Variants in GABRG1 observed in about 807,000 individuals in gnomAD.
GABRG1 encodes the protein gamma-aminobutyric acid receptor subunit gamma-1.
GABRG1 carries 49 observed loss-of-function variants against 49.8 expected under a neutral mutation model. The observed-to-expected ratio is 0.98, with a 90% CI of 0.78 to 1.25. GABRG1 has a LOEUF of 1.25. Ranked by LOEUF, GABRG1 falls within the 50% of genes most tolerant of loss-of-function variation. The pLI, the probability that GABRG1 is intolerant of heterozygous loss-of-function variation, is 0.00. For missense variants in GABRG1, 552 were observed against 552.3 expected (o/e 1.00, Z 0.01); for synonymous variants, 232 against 185.1 (o/e 1.25, Z -2.06).
At chr4:46,087,681 A>G (rs969874696) in intron 2 of GABRG1, among the ~76,000 whole-genome samples, 1 of 151,938 alleles carries the variant, frequency 6.6e-6, no homozygotes, top group Non-Finnish European at 1.5e-5. Flanking sequence ...CTCCAGGTCC[A>G]TACCACATAT....
At chr4:46,097,130 A>T in intron 2 of GABRG1, 71 bp downstream of exon 2, 2 of 1,273,964 alleles carry the variant, frequency 1.6e-6, no homozygotes, top group East Asian at 5.2e-5. Context: ...ATAAGAAATA[A>T]TGATTAAAAT....
chr4:46,048,798 T>A (rs1029879995), intron 8 of GABRG1, among the ~76,000 whole-genome samples: 1 of 151,792 alleles, frequency 6.6e-6, no homozygotes, highest in African/African-American at 2.4e-5. Context: ...GCCCATTTCA[T>A]GTGGAGAGTA....
intron 7 of GABRG1, 79 bp from the exon 8 acceptor site, chr4:46,051,717 G>A: frequency 1.2e-6 from 1 of 858,312 alleles, no homozygotes; most frequent in Non-Finnish European, 1.8e-6. Context: ...GCAATATTGT[G>A]AGTGAAATTA....
chr4:46,103,357 T>A (rs943116222), intron 1 of GABRG1, among the ~76,000 whole-genome samples: 4 of 151,506 alleles, frequency 2.6e-5, no homozygotes, highest in Non-Finnish European at 1.5e-5. Flanking sequence ...ACAGAAAAAA[T>A]TCACTGGATA....
intron 3 of GABRG1, among the ~76,000 whole-genome samples, chr4:46,074,132 C>T (rs1213072957): frequency 2.6e-5 from 4 of 152,160 alleles, no homozygotes; most frequent in African/African-American, 9.6e-5. Flanking sequence ...ACATGTGCAA[C>T]ATTTGTTATA....
chr4:46,121,030 C>T (rs1158978304), intron 1 of GABRG1, among the ~76,000 whole-genome samples: 1 of 151,704 alleles, frequency 6.6e-6, no homozygotes, highest in Non-Finnish European at 1.5e-5. Context: ...TACACAGGAA[C>T]CATGACTACA....
intron 5 of GABRG1, among the ~76,000 whole-genome samples, chr4:46,061,027 T>C (rs1347881213): frequency 1.3e-5 from 2 of 152,170 alleles, no homozygotes; most frequent in Non-Finnish European, 2.9e-5. Context: ...GATTATTATA[T>C]GTTAGCTATT....
chr4:46,058,965 A>C (rs1317797632), intron 5 of GABRG1, among the ~76,000 whole-genome samples: 1 of 152,076 alleles, frequency 6.6e-6, no homozygotes, highest in East Asian at 1.9e-4. Context: ...TAGATTTTTC[A>C]TATGCATTTC....
Position 46,052,895 on chromosome 4 carries a change from A to C in GABRG1, c.917-1257T>G, listed in dbSNP as rs901652461. Reference sequence around the variant, plus strand: ...ACATACCCTAAAAATTCTACTCACAAACCTGTCATTTCACTTTTATCATTT... The same window carrying C: ...ACATACCCTAAAAATTCTACTCACACACCTGTCATTTCACTTTTATCATTT... On this transcript the variant is annotated intron_variant, in intron 7 of 8. Transcript: ENST00000295452. 2.0e-5 allele frequency among the ~76,000 whole-genome samples: 3 copies of C among 151,866 alleles called. No individual in the cohort carries two copies. The Admixed American group carries it at 2.0e-4, about 10-fold the overall frequency.
chr4:46,088,859 C>T (rs1046045760), intron 2 of GABRG1, among the ~76,000 whole-genome samples: 7 of 142,826 alleles, frequency 4.9e-5, no homozygotes, highest in Non-Finnish European at 1.5e-5. Context: ...CCAAGAATGT[C>T]TTCTCAGGAA....
chr4:46,107,530 C>T (rs375859874), intron 1 of GABRG1, among the ~76,000 whole-genome samples: 4 of 150,600 alleles, frequency 2.7e-5, no homozygotes, highest in African/African-American at 9.7e-5. Context: ...TTCCTCCCAC[C>T]TCATTTCCCA....
intron 7 of GABRG1, among the ~76,000 whole-genome samples, chr4:46,055,043 C>G (rs992667252): frequency 1.2e-5 from 1 of 84,278 alleles, no homozygotes; most frequent in Non-Finnish European, 2.3e-5. Context: ...TAGGCGTGGG[C>G]AAGGACTTCA....
chr4:46,068,712 G>A (rs1388439938), intron 3 of GABRG1, among the ~76,000 whole-genome samples: 1 of 151,830 alleles, frequency 6.6e-6, no homozygotes, highest in Non-Finnish European at 1.5e-5. Context: ...CATGTTACAC[G>A]TAATAAAAAA....
intron 2 of GABRG1, among the ~76,000 whole-genome samples, chr4:46,091,696 T>C (rs1497577): frequency 6.6e-6 from 1 of 151,682 alleles, no homozygotes; most frequent in Non-Finnish European, 1.5e-5. Context: ...TGAGATGTAA[T>C]GACATAGCAG....
At chr4:46,050,131 C>A (rs541130126) in intron 8 of GABRG1, among the ~76,000 whole-genome samples, 113 of 151,936 alleles carry the variant, frequency 7.4e-4, no homozygotes, top group Non-Finnish European at 8.8e-4. Flanking sequence ...AAAAATGTAA[C>A]AATGGATATT....
At chr4:46,053,403 T>C (rs1362537288) in intron 7 of GABRG1, among the ~76,000 whole-genome samples, 1 of 151,362 alleles carries the variant, frequency 6.6e-6, no homozygotes. Context: ...AACTTTTTCT[T>C]GTAGTTCTAA....
Position 46,123,869 on chromosome 4 carries a change from C to T in GABRG1, c.45G>A (p.Arg15=). 1 of 1,613,734 alleles carries T rather than the reference C, an allele frequency of 6.2e-7. No homozygotes were observed. The highest frequency in any genetic ancestry group is 1.7e-4 in the Middle Eastern group (1 of 6,056). ...KAFLFSPFLL[R]SQSRGVRLVF... ...CCAACCTCACCCCTCTACTTTGACTCCGCAGAAGAAAAGGGGAGAAGAGAA... is the reference window on the plus strand; with the variant it reads ...CCAACCTCACCCCTCTACTTTGACTTCGCAGAAGAAAAGGGGAGAAGAGAA... The change falls in exon 1 of 9, where the codon CGG becomes CGA. Residue 15 remains arginine, a synonymous_variant. Coordinates refer to ENST00000295452, the MANE Select transcript of GABRG1 (RefSeq NM_173536.4).
At chr4:46,086,156 T>G (rs1577655961) in intron 2 of GABRG1, among the ~76,000 whole-genome samples, 1 of 151,614 alleles carries the variant, frequency 6.6e-6, no homozygotes, top group Admixed American at 6.6e-5. Flanking sequence ...TTAAGTACTT[T>G]GCTTTAAGTT....
In GABRG1 at chr4:46,123,953, TC is replaced by T; in HGVS notation, c.-41del. On this transcript the variant is annotated 5_prime_UTR_variant, in exon 1 of 9. Transcript: ENST00000295452. ...TACGTGTGCTGCACTAGCTCAATTC[TC>T]CCAGCCAGGACTTTTCCTCCCACCT... 6.7e-7 allele frequency: 1 copy of T among 1,498,442 alleles called. No individual in the cohort carries two copies. 92.8% of individuals were successfully genotyped at this position (1,498,442 alleles called of 1,614,324 possible).
Sources: gnomAD v4.1 joint callset for allele counts (sites outside exome capture counted in the v4.1 genomes callset) on GRCh38, gnomAD v4.1.1 for gene constraint, MANE v1.5 for transcripts, NCBI Gene and HGNC (gene_info 2026-07-23, HGNC 2026-07-21) for gene names.